Variants in PCDHGB2 observed in about 807,000 individuals in gnomAD.
PCDHGB2 encodes protocadherin gamma subfamily B, 2.
A neutral mutation model predicts 59.3 loss-of-function variants in PCDHGB2; 55 were observed. The ratio of observed to expected loss-of-function variants is 0.93; its 90% CI spans 0.75 to 1.16. The LOEUF (loss-of-function observed/expected upper bound fraction) is 1.16. Ranked by LOEUF, PCDHGB2 falls within the 50% of genes most tolerant of loss-of-function variation. The probability of loss-of-function intolerance (pLI) is 0.00; values close to 1 mark genes in which losing one functional copy is unlikely to be tolerated. For synonymous variants in PCDHGB2, 516 were observed against 512.0 expected, an observed-to-expected ratio of 1.01 and a Z score of -0.11; for missense variants, 1,228 against 1,198.5, an observed-to-expected ratio of 1.02 and a Z score of -0.36.
rs112156044 is a variant in PCDHGB2, at chr5:141,476,771, G to A, written c.2422-18036G>A. The A allele has an allele frequency of 6.2e-7, 1 of 1,613,700 alleles. No homozygotes were observed. The highest frequency in any genetic ancestry group is 1.3e-5 in the African/African-American group (1 of 75,036). On this transcript the variant is annotated intron_variant, in intron 1 of 3. Coordinates refer to ENST00000522605, the MANE Select transcript of PCDHGB2 (RefSeq NM_018923.3). The surrounding 1 kb of genome is among the most constrained non-coding windows in gnomAD (Gnocchi z 7.6). ...CCAGTTAGTGCTGACGGCGTTGGAC[G>A]GAGGGACCCCAGCTCTCTCCGCCAG...
At chr5:141,509,599 A>G (rs964564148) in intron 3 of PCDHGB2, among the ~76,000 whole-genome samples, 6 of 152,158 alleles carry the variant, frequency 3.9e-5, no homozygotes, top group African/African-American at 1.4e-4. Context: ...CAATTCCGAG[A>G]GGCTGCATTC....
intron 1 of PCDHGB2, chr5:141,400,049 C>G (rs1242848324): frequency 6.2e-7 from 1 of 1,613,572 alleles, no homozygotes; most frequent in Non-Finnish European, 8.5e-7. Context: ...CTGCTGGTTG[C>G]TGTGCGTGAT....
chr5:141,491,747 G>C lies in PCDHGB2; in HGVS notation c.2422-3060G>C. 6.3e-7 allele frequency: 1 copy of C among 1,591,872 alleles called. No homozygotes were observed. The highest frequency in any genetic ancestry group is 8.5e-7 in the Non-Finnish European group (1 of 1,170,328). ...CGGGCGACCCCTGGGGGCGGCACTG[G>C]AGAAGCCGCCCGTCCTCATAAGGGA... On this transcript the variant is annotated intron_variant, in intron 1 of 3. Transcript: ENST00000522605. This position sits in a 1 kb window ranked among gnomAD's most constrained non-coding sequence, Gnocchi z 6.9.
chr5:141,432,428 G>C lies in PCDHGB2; in HGVS notation c.2422-62379G>C. 6.2e-7 allele frequency: 1 copy of C among 1,614,232 alleles called. No homozygotes were observed. On this transcript the variant is annotated intron_variant, in intron 1 of 3. Coordinates refer to ENST00000522605, the MANE Select transcript of PCDHGB2 (RefSeq NM_018923.3). The surrounding 1 kb of genome is among the most constrained non-coding windows in gnomAD (Gnocchi z 6.0). ...GAGCCTGTTCGTGCTGGACCAGAAC[G>C]ACAATGCGCCCGAGATCCTGTACCC...
chr5:141,365,116 C>G (rs1763746744), intron 1 of PCDHGB2: 1 of 1,613,900 alleles, frequency 6.2e-7, no homozygotes, highest in Non-Finnish European at 8.5e-7. Flanking sequence ...CTCGGCTGCT[C>G]ATGCTAACCG....
rs185704620 is a variant in PCDHGB2, at chr5:141,396,920, C to T, written c.2421+34364C>T. Among the ~76,000 whole-genome samples the T allele has an allele frequency of 3.3e-5, 5 of 152,316 alleles. No individual in the cohort carries two copies. In the East Asian group the frequency reaches 7.7e-4, roughly 23 times the overall value. ...TATTGGCACTTTGCAATTTTAAAAACTCGGATGAAAGTTGCCCTGGTAGGA... is the reference window on the plus strand; with the variant it reads ...TATTGGCACTTTGCAATTTTAAAAATTCGGATGAAAGTTGCCCTGGTAGGA... On this transcript the variant is annotated intron_variant, in intron 1 of 3. Transcript: ENST00000522605.
chr5:141,430,637 G>A (rs2097298854), intron 1 of PCDHGB2: 1 of 890,676 alleles, frequency 1.1e-6, no homozygotes, highest in Admixed American at 2.8e-5. Context: ...ACCATCCCTG[G>A]GAGTATGTGG....
chr5:141,511,537 A>C lies in PCDHGB2; in HGVS notation c.*364A>C. 6.3e-6 allele frequency: 2 copies of C among 319,254 alleles called. No individual in the cohort carries two copies. The highest frequency in any genetic ancestry group is 6.7e-5 in the South Asian group (2 of 29,854). 19.8% of individuals were successfully genotyped at this position (319,254 alleles called of 1,614,324 possible). A position where few individuals can be genotyped will look rare whatever the true frequency, so the allele number is the denominator to read the frequency against. On this transcript the variant is annotated 3_prime_UTR_variant, in exon 4 of 4. Transcript: ENST00000522605. ...TCCATCCCATGCCTCCCTCCTCCCC[A>C]CCCCACTCCAACAGTTCCTCTTTCC... is the stretch of plus-strand genomic sequence containing the variant.
rs754888812 is a variant in PCDHGB2, at chr5:141,374,393, G to T, written c.2421+11837G>T. The T allele has an allele frequency of 1.1e-5, 18 of 1,614,032 alleles. No individual in the cohort carries two copies. In the Middle Eastern group the frequency reaches 1.2e-3, roughly 104 times the overall value. ...CTGTGCTCAGAGCCCGCGGTGTCTG[G>T]TGAGTTTTAACATCCTTGTCGAGGA... On this transcript the variant is annotated intron_variant, in intron 1 of 3. Transcript: ENST00000522605.
chr5:141,418,505 G>A, intron 1 of PCDHGB2: 1 of 1,614,006 alleles, frequency 6.2e-7, no homozygotes, highest in Non-Finnish European at 8.5e-7. Flanking sequence ...GACCGCCTTA[G>A]ATGGTGGGGA....
intron 1 of PCDHGB2, chr5:141,385,214 A>C: frequency 6.2e-7 from 1 of 1,614,200 alleles, no homozygotes; most frequent in Non-Finnish European, 8.5e-7. Flanking sequence ...ATCTTCCCCC[A>C]GCCCAACTAT....
At chr5:141,430,781 C>G in intron 1 of PCDHGB2, 8 of 1,510,922 alleles carry the variant, frequency 5.3e-6, no homozygotes, top group Non-Finnish European at 7.1e-6. Context: ...GCGACTGCAC[C>G]GGGACTACAA....
intron 1 of PCDHGB2, chr5:141,385,371 T>C: frequency 2.6e-6 from 4 of 1,529,296 alleles, no homozygotes; most frequent in Non-Finnish European, 3.5e-6. Context: ...ATTTGCATGA[T>C]ATTTCTCTAT....
At chr5:141,474,892 A>G (rs1419975508) in intron 1 of PCDHGB2, among the ~76,000 whole-genome samples, 1 of 152,208 alleles carries the variant, frequency 6.6e-6, no homozygotes, top group Non-Finnish European at 1.5e-5. Context: ...TTAGAGGTTC[A>G]TTTCTTGTTC....
chr5:141,434,889 A>C (rs1213631251), intron 1 of PCDHGB2, among the ~76,000 whole-genome samples: 2 of 151,512 alleles, frequency 1.3e-5, no homozygotes, highest in African/African-American at 4.8e-5. Context: ...ACAACAATCC[A>C]GTCCCCTTCC....
intron 1 of PCDHGB2, chr5:141,426,995 C>A (rs772977735): frequency 2.2e-6 from 1 of 456,694 alleles, no homozygotes; most frequent in South Asian, 1.5e-5. Context: ...ACGATAATGC[C>A]CCAGTTTTTA....
At chr5:141,448,263 A>G (rs2098578874) in intron 1 of PCDHGB2, among the ~76,000 whole-genome samples, 1 of 152,088 alleles carries the variant, frequency 6.6e-6, no homozygotes, top group Non-Finnish European at 1.5e-5. Flanking sequence ...ATTTTACAGT[A>G]TATATACTGT....
At position 141,493,512 on chromosome 5, in the gene PCDHGB2, C is replaced by A. The variant is rs1327850681; in HGVS notation, c.2422-1295C>A. The stretch of plus-strand genomic sequence containing the variant: ...CTGTGGCTCCTCATTTCTGAGCAGT[C>A]CCCGCAGCGCAAACTTGGCCAGTTA... On this transcript the variant is annotated intron_variant, in intron 1 of 3. Transcript: ENST00000522605. The surrounding 1 kb of genome is among the most constrained non-coding windows in gnomAD (Gnocchi z 4.3). Among the ~76,000 whole-genome samples the A allele has an allele frequency of 1.3e-5, 2 of 152,148 alleles. No individual in the cohort carries two copies. Among genetic ancestry groups the A allele is most frequent in the South Asian group, 4.1e-4 (2 of 4,824 alleles).
At chr5:141,427,495 C>A in intron 1 of PCDHGB2, 2 of 562,648 alleles carry the variant, frequency 3.6e-6, no homozygotes, top group South Asian at 1.5e-5. Flanking sequence ...AAGCTTGTAA[C>A]AGATGGGACC....
Sources: allele counts gnomAD v4.1 joint callset (sites outside exome capture counted in the v4.1 genomes callset), GRCh38; gene constraint gnomAD v4.1.1; non-coding constraint Gnocchi (gnomAD v3.1); transcripts MANE v1.5; gene names NCBI Gene and HGNC (gene_info 2026-07-23, HGNC 2026-07-21).